Variants in USP15 observed in about 807,000 individuals in gnomAD.
USP15 encodes ubiquitin carboxyl-terminal hydrolase 15.
A neutral mutation model predicts 127.1 loss-of-function variants in USP15; 18 were observed. That is an observed-to-expected ratio of 0.14 (90% CI 0.10 to 0.21). USP15 has a LOEUF of 0.21. Ranked by LOEUF, USP15 falls within the 10% of genes least tolerant of loss-of-function variation. The pLI is 1.00. For synonymous variants in USP15, 364 were observed against 393.7 expected (o/e 0.92, Z 0.89); for missense variants, 805 against 1,159.9 (o/e 0.69, Z 4.44).
At chr12:62,334,763 T>C (rs558085308) in intron 6 of USP15, among the ~76,000 whole-genome samples, 8 of 152,326 alleles carry the variant, frequency 5.3e-5, no homozygotes, top group Non-Finnish European at 8.8e-5. Flanking sequence ...AATAACTGTT[T>C]TGCTGTCTCA....
intron 6 of USP15, among the ~76,000 whole-genome samples, chr12:62,326,823 C>T (rs1221638795): frequency 6.6e-6 from 1 of 152,150 alleles, no homozygotes; most frequent in South Asian, 2.1e-4. Flanking sequence ...AAATCTGCTA[C>T]TTTATTTGAT....
chr12:62,261,031 C>G (rs1475758778), intron 1 of USP15, among the ~76,000 whole-genome samples: 1 of 152,056 alleles, frequency 6.6e-6, no homozygotes, highest in Non-Finnish European at 1.5e-5. Context: ...TGTCAGGGCT[C>G]CACATAAGAG....
At chr12:62,314,729 G>C (rs1375889235) in intron 3 of USP15, 61 bp from the exon 4 acceptor site, 8 of 1,367,718 alleles carry the variant, frequency 5.8e-6, no homozygotes, top group African/African-American at 4.5e-5. Flanking sequence ...TAAATGTATT[G>C]TTATTAGAGT....
At chr12:62,311,471 G>C (rs914131608) in intron 3 of USP15, among the ~76,000 whole-genome samples, 1 of 151,766 alleles carries the variant, frequency 6.6e-6, no homozygotes, top group African/African-American at 2.4e-5. Flanking sequence ...AGCAGCCCTA[G>C]ATAATTAATA....
At chr12:62,377,209 T>C (rs1450274406) in intron 8 of USP15, among the ~76,000 whole-genome samples, 2 of 152,212 alleles carry the variant, frequency 1.3e-5, no homozygotes, top group Non-Finnish European at 2.9e-5. Flanking sequence ...AATCCAATTA[T>C]GCTCTTTTAG....
chr12:62,276,473 ATTGT>A (rs1237621052), intron 1 of USP15, among the ~76,000 whole-genome samples: 9 of 152,070 alleles, frequency 5.9e-5, no homozygotes, highest in African/African-American at 1.4e-4. Context: ...CAGTTTTGGA[ATTGT>A]TTGTTTTGCT....
In USP15 at chr12:62,407,303, G is replaced by C. The variant is rs915046848; in HGVS notation, c.*2928G>C. On this transcript the variant is annotated 3_prime_UTR_variant, in exon 22 of 22. Coordinates refer to ENST00000280377, the MANE Select transcript of USP15 (RefSeq NM_001252078.2). ...GCTCACACAATTGCTATGGGGTAGA[G>C]CCAATATTCTATCCTCAGATATATA... The C allele has an allele frequency of 6.6e-6, 1 of 152,174 alleles. No individual in the cohort carries two copies. The highest frequency in any genetic ancestry group is 2.1e-4 in the South Asian group (1 of 4,828). The allele number at this position is 152,174 out of a possible 1,614,324, so 9.4% of individuals were successfully genotyped here.
At chr12:62,384,039 G>A in intron 10 of USP15, 39 bp from the exon 11 acceptor site, 1 of 1,610,058 alleles carries the variant, frequency 6.2e-7, no homozygotes, top group East Asian at 2.2e-5. Flanking sequence ...TTATAATTTT[G>A]TGATACCTCT....
intron 8 of USP15, among the ~76,000 whole-genome samples, chr12:62,378,953 G>A (rs773441000): frequency 2.5e-4 from 38 of 152,030 alleles, no homozygotes; most frequent in Non-Finnish European, 4.6e-4. Context: ...TCAGTGCTAC[G>A]TGACATAGTG....
chr12:62,302,561 G>T lies in USP15; in HGVS notation c.218-229G>T, dbSNP rs145465636. 1.9e-3 allele frequency among the ~76,000 whole-genome samples: 291 copies of T among 151,174 alleles called. 3 individuals are homozygous for T. Among genetic ancestry groups the T allele is most frequent in the African/African-American group, 6.8e-3 (279 of 41,212 alleles). On this transcript the variant is annotated intron_variant, in intron 2 of 21. Coordinates refer to ENST00000280377, the MANE Select transcript of USP15 (RefSeq NM_001252078.2). ...TGTAAACTTTCTTAAAACATTATGAGTTTTTTTTTATGATTTTTTTAAGCT... is the reference window on the plus strand; with the variant it reads ...TGTAAACTTTCTTAAAACATTATGATTTTTTTTTTATGATTTTTTTAAGCT...
chr12:62,337,371 G>A (rs368444383), intron 6 of USP15, among the ~76,000 whole-genome samples: 16 of 152,272 alleles, frequency 1.1e-4, no homozygotes, highest in East Asian at 3.9e-4. Flanking sequence ...GGCTAGCGAG[G>A]CCTCACAATC....
intron 1 of USP15, among the ~76,000 whole-genome samples, chr12:62,268,120 T>C (rs919875988): frequency 5.9e-5 from 9 of 152,084 alleles, no homozygotes; most frequent in Non-Finnish European, 1.3e-4. Flanking sequence ...AAAAGTTCTC[T>C]AGATACAGGT....
chr12:62,308,986 AT>A (rs2064571855), intron 3 of USP15, among the ~76,000 whole-genome samples: 1 of 152,182 alleles, frequency 6.6e-6, no homozygotes, highest in African/African-American at 2.4e-5. Context: ...CTCAGAAGGA[AT>A]TTTATAGCTT....
intron 8 of USP15, among the ~76,000 whole-genome samples, chr12:62,377,247 G>T (rs2066859997): frequency 6.6e-6 from 1 of 152,008 alleles, no homozygotes; most frequent in Non-Finnish European, 1.5e-5. Context: ...ATAAATTATT[G>T]TTGACTGAAA....
chr12:62,366,086 G>A (rs574374503), intron 8 of USP15, among the ~76,000 whole-genome samples: 4 of 152,280 alleles, frequency 2.6e-5, no homozygotes, highest in South Asian at 2.1e-4. Context: ...CCAATTCTGT[G>A]AAGAAAGTCA....
In USP15 at chr12:62,349,245, A is replaced by T. The variant is rs1461757681; in HGVS notation, c.708A>T (p.Ser236=). The T allele has an allele frequency of 3.3e-5, 49 of 1,504,748 alleles. No homozygotes were observed. The highest frequency in any genetic ancestry group is 4.2e-5 in the Non-Finnish European group (48 of 1,131,024). 93.2% of individuals were successfully genotyped at this position (1,504,748 alleles called of 1,614,324 possible). A position where few individuals can be genotyped will look rare whatever the true frequency, so the allele number is the denominator to read the frequency against. The part of the protein sequence containing the change: ...TPKSPGASNF[S]TLPKISPSSL... ...GGTCCCCAGGTGCATCCAATTTTTC[A>T]ACTTTACCAAAGATCTCTCCTTCAT... is the stretch of plus-strand genomic sequence containing the variant. Residue 236 remains serine, a synonymous_variant, in exon 7 of 22, where the codon TCA becomes TCT. Transcript: ENST00000280377.
intron 7 of USP15, among the ~76,000 whole-genome samples, chr12:62,351,778 C>G (rs1169483472): frequency 6.6e-6 from 1 of 151,824 alleles, no homozygotes; most frequent in Non-Finnish European, 1.5e-5. Context: ...CGAATAGTCA[C>G]TGAGGTACCA....
intron 5 of USP15, among the ~76,000 whole-genome samples, chr12:62,322,829 G>A (rs766565954): frequency 1.3e-5 from 2 of 152,050 alleles, no homozygotes; most frequent in Non-Finnish European, 2.9e-5. Flanking sequence ...TTGTTTTGTG[G>A]TTTATACTCA....
In USP15 at chr12:62,409,918, C is replaced by A. The variant is rs1189302166; in HGVS notation, c.*5543C>A. 6.6e-6 allele frequency: 1 copy of A among 151,932 alleles called. No homozygotes were observed. The highest frequency in any genetic ancestry group is 1.5e-5 in the Non-Finnish European group (1 of 67,944). 9.4% of individuals were successfully genotyped at this position (151,932 alleles called of 1,614,324 possible). On this transcript the variant is annotated 3_prime_UTR_variant, in exon 22 of 22. Coordinates refer to ENST00000280377, the MANE Select transcript of USP15 (RefSeq NM_001252078.2). ...TTTTTTTTTAATAGTATTTGCTTTT[C>A]TTTTAAACTCCATAAAGGAGTATTC...
Sources: allele counts gnomAD v4.1 joint callset (sites outside exome capture counted in the v4.1 genomes callset), GRCh38; gene constraint gnomAD v4.1.1; transcripts MANE v1.5; gene names NCBI Gene and HGNC (gene_info 2026-07-23, HGNC 2026-07-21).